The following USP24 variants were observed in gnomAD, a reference collection of about 807,000 sequenced individuals.
USP24 encodes the protein ubiquitin carboxyl-terminal hydrolase 24.
Under a neutral mutation model 361.6 loss-of-function variants are expected in USP24, and 97 were observed. The observed-to-expected ratio is 0.27, with a 90% CI of 0.23 to 0.32. The LOEUF is 0.32. USP24 is among the 10% of genes least tolerant of loss of function. The pLI, the probability that USP24 is intolerant of heterozygous loss-of-function variation, is 1.00. For synonymous variants in USP24, 1,098 were observed against 1,124.6 expected, an observed-to-expected ratio of 0.98 and a Z score of 0.47; for missense variants, 2,353 against 3,165.6, an observed-to-expected ratio of 0.74 and a Z score of 6.16.
chr1:55,089,265 T>C (rs1262073210), intron 55 of USP24, among the ~76,000 whole-genome samples: 1 of 152,122 alleles, frequency 6.6e-6, no homozygotes, highest in African/African-American at 2.4e-5. Context: ...TTAGACAATA[T>C]TGTGAAATGT....
At chr1:55,188,058 T>C (rs1354673586) in intron 1 of USP24, among the ~76,000 whole-genome samples, 3 of 152,208 alleles carry the variant, frequency 2.0e-5, no homozygotes, top group African/African-American at 7.2e-5. Flanking sequence ...ATCAATGGAA[T>C]ATAATGGAGA....
chr1:55,152,019 G>A (rs908938499), intron 16 of USP24: 5 of 983,452 alleles, frequency 5.1e-6, no homozygotes, highest in Admixed American at 1.2e-4. Flanking sequence ...TTTAGTGGAA[G>A]TAAATAATTC....
At chr1:55,125,628 T>C in intron 33 of USP24, 35 bp downstream of exon 33, 2 of 1,578,186 alleles carry the variant, frequency 1.3e-6, no homozygotes, top group Non-Finnish European at 1.7e-6. Context: ...AAGTCAAGTA[T>C]TGCCTGGTAA....
chr1:55,158,372 G>A (rs1481034204), intron 10 of USP24, among the ~76,000 whole-genome samples: 1 of 152,184 alleles, frequency 6.6e-6, no homozygotes, highest in Non-Finnish European at 1.5e-5. Context: ...AAAAATAAGT[G>A]AATTATAACT....
At chr1:55,163,633 G>C (rs1648519991) in intron 7 of USP24, among the ~76,000 whole-genome samples, 1 of 152,056 alleles carries the variant, frequency 6.6e-6, no homozygotes, top group African/African-American at 2.4e-5. Context: ...AAATGGGTTT[G>C]TGGGAGTACT....
chr1:55,136,319 A>C (rs1646734104), intron 28 of USP24, among the ~76,000 whole-genome samples: 1 of 152,290 alleles, frequency 6.6e-6, no homozygotes, highest in East Asian at 1.9e-4. Context: ...GTGGTGAGAG[A>C]AGCTCACAGG....
chr1:55,192,716 C>T (rs891677472), intron 1 of USP24, among the ~76,000 whole-genome samples: 19 of 152,080 alleles, frequency 1.2e-4, no homozygotes, highest in African/African-American at 4.3e-4. Context: ...TCTGATATTC[C>T]CTGTTAATTC....
In USP24 at chr1:55,098,875, T is replaced by G. The variant is rs149517061; in HGVS notation, c.5371-317A>C. Among the ~76,000 whole-genome samples the G allele has an allele frequency of 3.1e-3, 465 of 152,236 alleles. 1 individual carries two copies. Among genetic ancestry groups the G allele is most frequent in the Non-Finnish European group, 4.8e-3 (327 of 68,018 alleles). On this transcript the variant is annotated intron_variant, in intron 45 of 67. Coordinates refer to ENST00000294383, the MANE Select transcript of USP24 (RefSeq NM_015306.3). ...CTCTCAGCAATCTTTTCTTTTTTCT[T>G]GTGGATAGAATGCCATCAATTTGCA...
intron 38 of USP24, among the ~76,000 whole-genome samples, chr1:55,111,390 T>G (rs1645947856): frequency 6.6e-6 from 1 of 152,028 alleles, no homozygotes; most frequent in Non-Finnish European, 1.5e-5. Flanking sequence ...AACTTAATAT[T>G]AAATAAAAAA....
chr1:55,121,375 G>A, intron 37 of USP24, 61 bp downstream of exon 37: 2 of 1,484,520 alleles, frequency 1.3e-6, no homozygotes, highest in Admixed American at 1.8e-5. Context: ...ACAGGTAGTT[G>A]AGACAGCTCA....
chr1:55,133,373 T>C (rs1254692676), intron 30 of USP24, among the ~76,000 whole-genome samples: 1 of 152,140 alleles, frequency 6.6e-6, no homozygotes, highest in Non-Finnish European at 1.5e-5. Flanking sequence ...AACTCAGACA[T>C]ACGCAATGAT....
chr1:55,164,314 A>G (rs1047246068), intron 7 of USP24, among the ~76,000 whole-genome samples: 1 of 152,068 alleles, frequency 6.6e-6, no homozygotes, highest in Non-Finnish European at 1.5e-5. Context: ...GGTAACCGTT[A>G]CCTAGGTATG....
intron 59 of USP24, 67 bp downstream of exon 59, chr1:55,081,255 C>T: frequency 1.4e-6 from 2 of 1,439,092 alleles, no homozygotes; most frequent in Non-Finnish European, 1.9e-6. Context: ...CATTTACTTG[C>T]TAATATAATT....
Position 55,144,069 on chromosome 1 carries a change from G to A in USP24, c.2439+58C>T. 3 of 1,336,288 alleles carry A rather than the reference G, an allele frequency of 2.2e-6. No individual in the cohort carries two copies. In the South Asian group the frequency reaches 4.7e-5, roughly 21 times the overall value. 82.8% of individuals were successfully genotyped at this position (1,336,288 alleles called of 1,614,324 possible). A position where few individuals can be genotyped will look rare whatever the true frequency, so the allele number is the denominator to read the frequency against. ...CAATTATAACACTTTTTTTTTTGCT[G>A]AATATCAAGTTATACTAGATTATCC... On this transcript the variant is annotated intron_variant, in intron 21 of 67. Transcript: ENST00000294383.
At position 55,141,704 on chromosome 1, in the gene USP24, T is replaced by C. The variant is rs1646893596; in HGVS notation, c.2662A>G (p.Thr888Ala). The change falls in exon 24 of 68, where the codon ACT becomes GCT. Residue 888 changes from threonine (T) to alanine (A), a missense_variant. Thr to Ala is a moderately conservative substitution (Grantham distance 58). This residue lies in a region of USP24 where 949 missense variants were observed against 1,280.5 expected (regional missense o/e 0.74). Transcript: ENST00000294383. The part of the protein sequence containing the change: ...EAASSALGGP[T>A]LTHAVTRATK... ...GCTCTGGTCACAGCATGTGTTAGAG[T>C]GGGGCCACCAAGTGCTGAACTGGCT... The C allele has an allele frequency of 6.2e-7, 1 of 1,610,322 alleles. No homozygotes were observed. Among genetic ancestry groups the C allele is most frequent in the Middle Eastern group, 1.7e-4 (1 of 6,058 alleles).
chr1:55,164,782 G>C (rs770186979), intron 7 of USP24, among the ~76,000 whole-genome samples: 8 of 151,850 alleles, frequency 5.3e-5, no homozygotes, highest in Non-Finnish European at 8.8e-5. Context: ...AAGTAGGATA[G>C]AAATTTGGGA....
chr1:55,138,780 A>C, intron 25 of USP24, 62 bp from the exon 26 acceptor site: 2 of 1,333,132 alleles, frequency 1.5e-6, no homozygotes, highest in South Asian at 2.5e-5. Flanking sequence ...TCAAAAATAC[A>C]TATCTATGTA....
At chr1:55,167,084 C>T (rs1648955405) in intron 5 of USP24, among the ~76,000 whole-genome samples, 1 of 152,090 alleles carries the variant, frequency 6.6e-6, no homozygotes, top group African/African-American at 2.4e-5. Flanking sequence ...AGATACAGAA[C>T]AGTGACTACG....
At chr1:55,175,219 C>CTTTT (rs3072970) in intron 3 of USP24, among the ~76,000 whole-genome samples, 10 of 66,922 alleles carry the variant, frequency 1.5e-4, no homozygotes, top group Admixed American at 6.6e-4. Context: ...TACTGGGTCT[C>CTTTT]TTTTTTTTTT....
Sources: gnomAD v4.1 joint callset for allele counts (sites outside exome capture counted in the v4.1 genomes callset) on GRCh38, gnomAD v4.1.1 for gene constraint, gnomAD v4.1.1 regional missense constraint, MANE v1.5 for transcripts, NCBI Gene and HGNC (gene_info 2026-07-23, HGNC 2026-07-21) for gene names.